The following ASH1L variants were observed in gnomAD, a reference collection of about 807,000 sequenced individuals.
The protein encoded by ASH1L is ASH1 like histone lysine methyltransferase, also known as histone-lysine N-methyltransferase ASH1L.
ASH1L carries 23 observed loss-of-function variants against 269.0 expected under a neutral mutation model. The observed-to-expected ratio is 0.09, with a 90% CI of 0.06 to 0.12. The LOEUF (loss-of-function observed/expected upper bound fraction) is 0.12, where lower values mean the gene tolerates loss of function less well. Among genes scored for constraint, ASH1L ranks in the 10% least tolerant of loss-of-function variants. The pLI, the probability that ASH1L is intolerant of heterozygous loss-of-function variation, is 1.00. For synonymous variants in ASH1L, 1,187 were observed against 1,253.5 expected, an observed-to-expected ratio of 0.95 and a Z score of 1.12; for missense variants, 2,912 against 3,567.8, an observed-to-expected ratio of 0.82 and a Z score of 4.68.
intron 4 of ASH1L, among the ~76,000 whole-genome samples, chr1:155,441,299 C>A (rs1662540258): frequency 6.6e-6 from 1 of 151,692 alleles, no homozygotes; most frequent in Non-Finnish European, 1.5e-5. Flanking sequence ...CTATCTCCAC[C>A]CCCCACTCCC....
In ASH1L at chr1:155,533,350, T is replaced by G. The variant is rs559428971; in HGVS notation, c.-99-11732A>C. Among the ~76,000 whole-genome samples the G allele has an allele frequency of 3.3e-5, 5 of 152,158 alleles. 1 individual carries two copies. The South Asian group carries it at 1.0e-3, about 32-fold the overall frequency. On this transcript the variant is annotated intron_variant, in intron 1 of 27. Transcript: ENST00000392403. ...CCTTTTTAGACATGAAAAGACAGGC[T>G]AATGGCCAATAAAAGGCAGAAACAG...
At chr1:155,347,609 A>G (rs757196689) in intron 20 of ASH1L, 47 bp downstream of exon 20, 5 of 1,606,470 alleles carry the variant, frequency 3.1e-6, no homozygotes, top group Non-Finnish European at 4.2e-6. Context: ...GAATATGGTC[A>G]CCGTGTTCAT....
At chr1:155,397,727 A>AT (rs1553251589) in intron 6 of ASH1L, among the ~76,000 whole-genome samples, 7 of 151,778 alleles carry the variant, frequency 4.6e-5, no homozygotes, top group Non-Finnish European at 8.8e-5. Context: ...ATGCCTGGCT[A>AT]TTTTTTGTAT....
At chr1:155,536,514 C>T (rs1409827959) in intron 1 of ASH1L, among the ~76,000 whole-genome samples, 1 of 152,200 alleles carries the variant, frequency 6.6e-6, no homozygotes, top group African/African-American at 2.4e-5. Flanking sequence ...AATCTGTCAG[C>T]TTTACCTTCA....
chr1:155,483,593 T>A (rs1666104075), intron 2 of ASH1L, among the ~76,000 whole-genome samples: 1 of 150,872 alleles, frequency 6.6e-6, no homozygotes, highest in South Asian at 2.1e-4. Context: ...ACTAGAAAAA[T>A]TCCATATGCA....
intron 2 of ASH1L, among the ~76,000 whole-genome samples, chr1:155,486,599 C>T (rs1666343801): frequency 6.6e-6 from 1 of 152,016 alleles, no homozygotes; most frequent in African/African-American, 2.4e-5. Context: ...ACCTCATTCT[C>T]TATGATGTGA....
At chr1:155,520,869 AT>A (rs1301068881) in intron 2 of ASH1L, among the ~76,000 whole-genome samples, 1 of 152,232 alleles carries the variant, frequency 6.6e-6, no homozygotes, top group African/African-American at 2.4e-5. Context: ...TCTCAAAAAA[AT>A]AAATAAATAA....
chr1:155,465,655 A>G (rs759229049), intron 3 of ASH1L, among the ~76,000 whole-genome samples: 1 of 152,244 alleles, frequency 6.6e-6, no homozygotes, highest in Non-Finnish European at 1.5e-5. Flanking sequence ...AATTGTTACA[A>G]AAGTTTAGTT....
At chr1:155,464,948 G>A (rs1243832634) in intron 3 of ASH1L, among the ~76,000 whole-genome samples, 1 of 152,108 alleles carries the variant, frequency 6.6e-6, no homozygotes, top group Non-Finnish European at 1.5e-5. Flanking sequence ...AAAGAAATAA[G>A]ATTATGAAAA....
intron 5 of ASH1L, among the ~76,000 whole-genome samples, chr1:155,429,022 A>C (rs548026129): frequency 5.9e-5 from 9 of 152,256 alleles, no homozygotes; most frequent in Admixed American, 4.6e-4. Context: ...ATATATATAC[A>C]ATGCTTTAGA....
chr1:155,418,508 A>G (rs1046792818), intron 5 of ASH1L, among the ~76,000 whole-genome samples: 1 of 152,134 alleles, frequency 6.6e-6, no homozygotes, highest in Non-Finnish European at 1.5e-5. Context: ...GAATCTTAGA[A>G]TCCCGGGAAA....
At chr1:155,494,601 T>C (rs1206324505) in intron 2 of ASH1L, among the ~76,000 whole-genome samples, 1 of 152,172 alleles carries the variant, frequency 6.6e-6, no homozygotes, top group Non-Finnish European at 1.5e-5. Context: ...AATTAGGCAA[T>C]TAGGTTATGC....
In ASH1L at chr1:155,477,316, A is replaced by T. The variant is rs549768581; in HGVS notation, c.4984+570T>A. Reference sequence around the variant, plus strand: ...TAATTGAAGCAGCTTTTATGAAAACATCAAAAGGTATGCTGCAAAATGAAG... The same window carrying T: ...TAATTGAAGCAGCTTTTATGAAAACTTCAAAAGGTATGCTGCAAAATGAAG... On this transcript the variant is annotated intron_variant, in intron 3 of 27. Transcript: ENST00000392403. Among the ~76,000 whole-genome samples, 5 of 152,340 alleles carry T rather than the reference A, an allele frequency of 3.3e-5. No individual in the cohort carries two copies. In the East Asian group the frequency reaches 7.7e-4, roughly 23 times the overall value.
chr1:155,511,735 A>C (rs910437969), intron 2 of ASH1L, among the ~76,000 whole-genome samples: 3 of 152,084 alleles, frequency 2.0e-5, no homozygotes, highest in Non-Finnish European at 4.4e-5. Context: ...CGATCTCTTG[A>C]CCTTGTGATC....
At chr1:155,366,403 AG>A (rs960808386) in intron 12 of ASH1L, among the ~76,000 whole-genome samples, 1 of 152,230 alleles carries the variant, frequency 6.6e-6, no homozygotes, top group African/African-American at 2.4e-5. Flanking sequence ...AGAACCATAA[AG>A]ATGGGCAACC....
chr1:155,343,874 C>T lies in ASH1L; in HGVS notation c.7982-132G>A, dbSNP rs1368078104. ...CAGTATAAATACAGAGAGCTAAAAGCAGCAGTGTTAAGTGATGATAATCAA... is the reference window on the plus strand; with the variant it reads ...CAGTATAAATACAGAGAGCTAAAAGTAGCAGTGTTAAGTGATGATAATCAA... On this transcript the variant is annotated intron_variant, in intron 22 of 27. Transcript: ENST00000392403. The surrounding 1 kb of genome is among the most constrained non-coding windows in gnomAD (Gnocchi z 6.1). The T allele has an allele frequency of 2.8e-6, 3 of 1,070,488 alleles. No individual in the cohort carries two copies. The highest frequency in any genetic ancestry group is 2.8e-5 in the Admixed American group (1 of 35,630). The allele number at this position is 1,070,488 out of a possible 1,614,324, so 66.3% of individuals were successfully genotyped here.
intron 10 of ASH1L, among the ~76,000 whole-genome samples, chr1:155,377,955 G>A (rs1413310608): frequency 2.0e-5 from 3 of 151,686 alleles, no homozygotes; most frequent in Non-Finnish European, 2.9e-5. Flanking sequence ...CCCGGGAGGC[G>A]GAGCTTGCAG....
Position 155,562,296 on chromosome 1 carries a change from C to A in ASH1L, c.-243G>T. ...AGGAGGCGGCCAGCGGGTAAGCTGA[C>A]TGGCGGAAATGCGAGAGAGGAGAAG... On this transcript the variant is annotated 5_prime_UTR_variant, in exon 1 of 28. Transcript: ENST00000392403. 1 of 1,598,670 alleles carries A rather than the reference C, an allele frequency of 6.3e-7. No individual in the cohort carries two copies. Among genetic ancestry groups the A allele is most frequent in the Non-Finnish European group, 8.6e-7 (1 of 1,166,782 alleles).
chr1:155,354,757 G>T, intron 15 of ASH1L, 127 bp from the exon 16 acceptor site: 2 of 808,014 alleles, frequency 2.5e-6, no homozygotes, highest in Non-Finnish European at 3.7e-6. Context: ...GAATTATATG[G>T]GCAAAGCATT....
Sources: gnomAD v4.1 joint callset for allele counts (sites outside exome capture counted in the v4.1 genomes callset) on GRCh38, gnomAD v4.1.1 for gene constraint, Gnocchi (gnomAD v3.1) non-coding constraint, MANE v1.5 for transcripts, NCBI Gene and HGNC (gene_info 2026-07-23, HGNC 2026-07-21) for gene names.